IGF2BP3: variants seen among roughly 807,000 people sequenced by gnomAD.
The protein encoded by IGF2BP3 is insulin like growth factor 2 mRNA binding protein 3.
A neutral mutation model predicts 73.8 loss-of-function variants in IGF2BP3; 9 were observed. The observed-to-expected ratio is 0.12, with a 90% CI of 0.07 to 0.21. IGF2BP3 has a LOEUF of 0.21. Ranked by LOEUF, IGF2BP3 falls within the 10% of genes least tolerant of loss-of-function variation. The pLI, the probability that IGF2BP3 is intolerant of heterozygous loss-of-function variation, is 1.00. For synonymous variants in IGF2BP3, 258 were observed against 256.7 expected, an observed-to-expected ratio of 1.01 and a Z score of -0.05; for missense variants, 542 against 714.0, an observed-to-expected ratio of 0.76 and a Z score of 2.75.
intron 2 of IGF2BP3, among the ~76,000 whole-genome samples, chr7:23,456,071 A>G (rs1251847617): frequency 6.6e-6 from 1 of 152,188 alleles, no homozygotes; most frequent in East Asian, 1.9e-4. Flanking sequence ...TTAAACTAAA[A>G]ATTTACATAA....
chr7:23,366,161 A>G (rs2128509554), intron 3 of IGF2BP3, among the ~76,000 whole-genome samples: 1 of 151,502 alleles, frequency 6.6e-6, no homozygotes, highest in Middle Eastern at 3.4e-3. Context: ...TTTTTTAGAC[A>G]GAGTCTCACT....
intron 3 of IGF2BP3, among the ~76,000 whole-genome samples, chr7:23,411,999 T>A (rs1376011559): frequency 6.7e-6 from 1 of 148,694 alleles, no homozygotes; most frequent in African/African-American, 2.5e-5. Flanking sequence ...TTTTTTTTTT[T>A]TTTTTTTCAG....
intron 2 of IGF2BP3, among the ~76,000 whole-genome samples, chr7:23,441,574 TAAAAAAAAAAAAAAAAAAA>T (rs769391858): frequency 1.8e-5 from 1 of 56,948 alleles, no homozygotes; most frequent in African/African-American, 7.0e-5. Context: ...CTCCATCTCT[TAAAAAAAAAAAAAAAAAAA>T]AAAAAAAAAA....
intron 5 of IGF2BP3, among the ~76,000 whole-genome samples, chr7:23,354,446 GAGTA>G (rs891662691): frequency 1.3e-5 from 2 of 152,214 alleles, no homozygotes; most frequent in Non-Finnish European, 1.5e-5. Context: ...CTTCAGAAGA[GAGTA>G]AGTATATTTT....
At chr7:23,320,130 T>C (rs1475794239) in intron 10 of IGF2BP3, among the ~76,000 whole-genome samples, 1 of 152,014 alleles carries the variant, frequency 6.6e-6, no homozygotes, top group African/African-American at 2.4e-5. Context: ...CAGGCTGGTC[T>C]TGAACTCCTG....
chr7:23,360,798 G>T (rs980813228), intron 5 of IGF2BP3, among the ~76,000 whole-genome samples: 1 of 152,188 alleles, frequency 6.6e-6, no homozygotes, highest in Non-Finnish European at 1.5e-5. Context: ...CTGGAGGTAG[G>T]TAGTTCAGGC....
chr7:23,333,304 C>G (rs527326532), intron 10 of IGF2BP3, among the ~76,000 whole-genome samples: 5 of 152,268 alleles, frequency 3.3e-5, no homozygotes, highest in Non-Finnish European at 7.4e-5. Flanking sequence ...AATGACTATT[C>G]CTGGTACTGG....
At chr7:23,355,226 T>C (rs564023267) in intron 5 of IGF2BP3, among the ~76,000 whole-genome samples, 1 of 115,436 alleles carries the variant, frequency 8.7e-6, no homozygotes, top group Non-Finnish European at 1.8e-5. Context: ...TTTATTTTTA[T>C]TTTTTTTTTT....
chr7:23,357,509 G>A (rs1235162270), intron 5 of IGF2BP3, among the ~76,000 whole-genome samples: 1 of 152,050 alleles, frequency 6.6e-6, no homozygotes, highest in Non-Finnish European at 1.5e-5. Flanking sequence ...TTTTCTAGGG[G>A]GTTATTTCTT....
At chr7:23,333,831 T>G (rs1214987300) in intron 10 of IGF2BP3, among the ~76,000 whole-genome samples, 1 of 152,220 alleles carries the variant, frequency 6.6e-6, no homozygotes, top group African/African-American at 2.4e-5. Flanking sequence ...AGTTGACTCA[T>G]CAGATGTCTG....
At chr7:23,409,735 T>C (rs910085131) in intron 3 of IGF2BP3, among the ~76,000 whole-genome samples, 3 of 151,862 alleles carry the variant, frequency 2.0e-5, no homozygotes, top group African/African-American at 7.3e-5. Flanking sequence ...AAAAATTAAC[T>C]CAAAATGCAC....
chr7:23,368,126 T>C (rs1180672311), intron 3 of IGF2BP3, among the ~76,000 whole-genome samples: 2 of 152,090 alleles, frequency 1.3e-5, no homozygotes, highest in African/African-American at 2.4e-5. Flanking sequence ...AGATCACTCA[T>C]AATAGTCTGA....
rs1583963423 is a variant in IGF2BP3 at position 23,380,023 on chromosome 7, G to C, written c.286-18282C>G. Among the ~76,000 whole-genome samples, 3 of 152,216 alleles carry C rather than the reference G, an allele frequency of 2.0e-5. No homozygotes were observed. In the East Asian group the frequency reaches 5.8e-4, roughly 29 times the overall value. On this transcript the variant is annotated intron_variant, in intron 3 of 14. Transcript: ENST00000258729. ...AATGTCAACTTCTAAGATGGGTTGG[G>C]AAAGTCGTAACTTGGTAATGTCTTT...
intron 3 of IGF2BP3, among the ~76,000 whole-genome samples, chr7:23,375,086 CTA>C (rs1785677860): frequency 2.0e-5 from 3 of 152,192 alleles, no homozygotes; most frequent in Non-Finnish European, 4.4e-5. Context: ...AATTTTCACA[CTA>C]GAGTGTCAAA....
chr7:23,374,183 G>A (rs1426628400), intron 3 of IGF2BP3, among the ~76,000 whole-genome samples: 3 of 152,148 alleles, frequency 2.0e-5, no homozygotes, highest in African/African-American at 7.2e-5. Context: ...ATGTTCATGG[G>A]AGCATTATTC....
At chr7:23,324,340 C>T (rs1332281973) in intron 10 of IGF2BP3, among the ~76,000 whole-genome samples, 27 of 151,710 alleles carry the variant, frequency 1.8e-4, no homozygotes, top group East Asian at 5.8e-4. Flanking sequence ...ATAAATTCCT[C>T]GACACATACA....
At chr7:23,434,749 A>C (rs1243508019) in intron 2 of IGF2BP3, among the ~76,000 whole-genome samples, 1 of 152,200 alleles carries the variant, frequency 6.6e-6, no homozygotes, top group African/African-American at 2.4e-5. Flanking sequence ...AATAGCAGCA[A>C]ATTGTTCCTG....
chr7:23,346,363 G>A (rs552400305), intron 7 of IGF2BP3, among the ~76,000 whole-genome samples: 17 of 152,116 alleles, frequency 1.1e-4, no homozygotes, highest in Admixed American at 2.0e-4. Context: ...AGAACACAAC[G>A]TACAAATAAA....
At chr7:23,401,627 T>G (rs541446364) in intron 3 of IGF2BP3, among the ~76,000 whole-genome samples, 1 of 152,010 alleles carries the variant, frequency 6.6e-6, no homozygotes, top group Non-Finnish European at 1.5e-5. Context: ...TAGCTGGGCT[T>G]GGTGGCAGTC....
Sources: allele counts gnomAD v4.1 joint callset (sites outside exome capture counted in the v4.1 genomes callset), GRCh38; gene constraint gnomAD v4.1.1; transcripts MANE v1.5; gene names NCBI Gene and HGNC (gene_info 2026-07-23, HGNC 2026-07-21).